Variants in LIN9 observed in about 807,000 individuals in gnomAD.
LIN9 encodes the protein protein lin-9 homolog.
LIN9 carries 18 observed loss-of-function variants against 78.0 expected under a neutral mutation model. The ratio of observed to expected loss-of-function variants is 0.23; its 90% confidence interval spans 0.16 to 0.34. The LOEUF is 0.34. LIN9 is among the 10% of genes least tolerant of loss of function. The pLI, the probability that LIN9 is intolerant of heterozygous loss-of-function variation, is 1.00. For missense variants in LIN9, 451 were observed against 644.1 expected, an observed-to-expected ratio of 0.70 and a Z score of 3.25; for synonymous variants, 192 against 215.2, an observed-to-expected ratio of 0.89 and a Z score of 0.94.
chr1:226,251,695 C>T (rs534248921), intron 10 of LIN9, among the ~76,000 whole-genome samples: 149 of 152,190 alleles, frequency 9.8e-4, no homozygotes, highest in African/African-American at 3.0e-3. Context: ...CTGATTAAAC[C>T]GACAAGCAAA....
intron 4 of LIN9, among the ~76,000 whole-genome samples, chr1:226,291,425 G>GT (rs1661784783): frequency 6.6e-6 from 1 of 151,714 alleles, no homozygotes; most frequent in Non-Finnish European, 1.5e-5. Context: ...TACTACAAAT[G>GT]TAATTTTTAG....
chr1:226,301,145 G>T (rs772931682), intron 2 of LIN9, 28 bp downstream of exon 2: 3 of 1,547,990 alleles, frequency 1.9e-6, no homozygotes, highest in African/African-American at 2.7e-5. Context: ...TTTAGCTATG[G>T]TATACCTAAA....
At chr1:226,242,508 T>C (rs1658179324) in intron 11 of LIN9, among the ~76,000 whole-genome samples, 2 of 152,200 alleles carry the variant, frequency 1.3e-5, no homozygotes, top group Admixed American at 1.3e-4. Flanking sequence ...AGAATATGTT[T>C]ATGAATAAGA....
chr1:226,307,016 A>T (rs139695261), intron 1 of LIN9, among the ~76,000 whole-genome samples: 43 of 152,372 alleles, frequency 2.8e-4, no homozygotes, highest in African/African-American at 1.0e-3. Context: ...AATATAAATG[A>T]TTAGGTTATA....
At chr1:226,251,564 G>A (rs1357510076) in intron 10 of LIN9, among the ~76,000 whole-genome samples, 2 of 152,170 alleles carry the variant, frequency 1.3e-5, no homozygotes, top group Non-Finnish European at 2.9e-5. Flanking sequence ...GTTTCACCAT[G>A]CTGGCCAGAC....
rs1659866453 is a variant in LIN9 at position 226,265,799 on chromosome 1, C to G, written c.937-165G>C. On this transcript the variant is annotated intron_variant, in intron 9 of 14. Coordinates refer to ENST00000681046, the MANE Select transcript of LIN9 (RefSeq NM_001366245.2). This position sits in a 1 kb window ranked among gnomAD's most constrained non-coding sequence, Gnocchi z 4.1. The stretch of plus-strand genomic sequence containing the variant: ...GTTCAAGCGATTCTCCTGCCTCAGC[C>G]TCCCGAGCAGCTGGGATTACAGGCG... Among the ~76,000 whole-genome samples the G allele has an allele frequency of 6.6e-6, 1 of 152,080 alleles. No homozygotes were observed. Among genetic ancestry groups the G allele is most frequent in the Admixed American group, 6.6e-5 (1 of 15,260 alleles).
intron 4 of LIN9, among the ~76,000 whole-genome samples, chr1:226,292,475 T>A (rs1295124054): frequency 1.3e-5 from 2 of 151,882 alleles, no homozygotes; most frequent in African/African-American, 4.8e-5. Flanking sequence ...TTATTAAAAC[T>A]GACAGGGTCT....
chr1:226,309,558 G>T, upstream of LIN9: 1 of 1,181,774 alleles, frequency 8.5e-7, no homozygotes, highest in South Asian at 1.6e-5. Context: ...GGCCCCGGCG[G>T]GGGGAAAGAA....
chr1:226,251,465 T>G (rs1047412201), intron 10 of LIN9, among the ~76,000 whole-genome samples: 1 of 152,158 alleles, frequency 6.6e-6, no homozygotes, highest in Non-Finnish European at 1.5e-5. Context: ...TGACCTCAGA[T>G]GATCCACTCA....
At chr1:226,305,212 G>A (rs553088011) in intron 1 of LIN9, among the ~76,000 whole-genome samples, 5 of 146,230 alleles carry the variant, frequency 3.4e-5, no homozygotes, top group Non-Finnish European at 3.0e-5. Flanking sequence ...GCTGAAGCCT[G>A]TAATCTCAGC....
chr1:226,270,565 G>A (rs191735120), intron 7 of LIN9, among the ~76,000 whole-genome samples: 94 of 152,084 alleles, frequency 6.2e-4, no homozygotes, highest in African/African-American at 2.1e-3. Flanking sequence ...TAGGCTGGGC[G>A]TGGTGGCTCA....
At chr1:226,288,432 G>C (rs189332297) in intron 4 of LIN9, among the ~76,000 whole-genome samples, 50 of 152,216 alleles carry the variant, frequency 3.3e-4, no homozygotes, top group Admixed American at 3.3e-3. Flanking sequence ...TCATAACACT[G>C]TTTTGAAGGA....
intron 4 of LIN9, among the ~76,000 whole-genome samples, chr1:226,294,251 T>C (rs1280131922): frequency 1.5e-5 from 2 of 136,158 alleles, no homozygotes; most frequent in East Asian, 2.1e-4. Flanking sequence ...GAGATTGCAG[T>C]GAGCCAAGAT....
intron 7 of LIN9, among the ~76,000 whole-genome samples, chr1:226,269,755 G>C (rs1477325485): frequency 3.3e-5 from 5 of 152,096 alleles, no homozygotes; most frequent in Admixed American, 3.3e-4. Flanking sequence ...CTATGCAAAT[G>C]GAGGGGGAAG....
intron 1 of LIN9, 49 bp from the exon 2 acceptor site, chr1:226,301,254 A>C: frequency 7.0e-7 from 1 of 1,429,160 alleles, no homozygotes; most frequent in Non-Finnish European, 9.7e-7. Flanking sequence ...AACCAAAGTG[A>C]GAGAAAAAGA....
At chr1:226,267,230 G>GATATATATATATATATAT (rs4012808) in intron 8 of LIN9, among the ~76,000 whole-genome samples, 1 of 137,704 alleles carries the variant, frequency 7.3e-6, no homozygotes, top group African/African-American at 2.7e-5. Flanking sequence ...GCACTAAGGA[G>GATATATATATATATATAT]ATATATATAT....
intron 11 of LIN9, among the ~76,000 whole-genome samples, chr1:226,246,792 C>CAAAAA (rs34407541): frequency 1.3e-5 from 1 of 77,990 alleles, no homozygotes; most frequent in Non-Finnish European, 2.6e-5. Flanking sequence ...GACTCTGTCT[C>CAAAAA]AAAAAAAAAA....
At chr1:226,259,624 G>C (rs1659433902) in intron 10 of LIN9, among the ~76,000 whole-genome samples, 1 of 151,976 alleles carries the variant, frequency 6.6e-6, no homozygotes, top group Non-Finnish European at 1.5e-5. Context: ...ACTTCTACTA[G>C]AAATCAATAA....
chr1:226,299,843 T>C (rs150264236), intron 2 of LIN9, among the ~76,000 whole-genome samples: 1,901 of 152,198 alleles, frequency 0.012, 27 homozygotes, highest in Non-Finnish European at 0.019. Context: ...CCAAGGAACA[T>C]GTCAAACTTT....
Sources: gnomAD v4.1 joint callset for allele counts (sites outside exome capture counted in the v4.1 genomes callset) on GRCh38, gnomAD v4.1.1 for gene constraint, Gnocchi (gnomAD v3.1) non-coding constraint, MANE v1.5 for transcripts, NCBI Gene and HGNC (gene_info 2026-07-23, HGNC 2026-07-21) for gene names.